The following CROT variants were observed in gnomAD, a reference collection of about 807,000 sequenced individuals.
CROT encodes peroxisomal carnitine O-octanoyltransferase.
In CROT, 84 loss-of-function variants were observed where a neutral mutation model predicts 89.2. The ratio of observed to expected loss-of-function variants is 0.94; its 90% CI spans 0.79 to 1.13. The LOEUF is 1.13. CROT is among the 50% of genes most tolerant of loss of function. The pLI is 0.00. For missense variants in CROT, 711 were observed against 727.8 expected, an observed-to-expected ratio of 0.98 and a Z score of 0.27; for synonymous variants, 212 against 239.5, an observed-to-expected ratio of 0.89 and a Z score of 1.06.
At chr7:87,348,622 T>C (rs1805771798) in intron 2 of CROT, among the ~76,000 whole-genome samples, 1 of 152,240 alleles carries the variant, frequency 6.6e-6, no homozygotes, top group Admixed American at 6.5e-5. Flanking sequence ...ATTGTAGTCT[T>C]AACAGATCTG....
chr7:87,368,050 G>A (rs968954519), intron 6 of CROT, among the ~76,000 whole-genome samples: 9 of 152,028 alleles, frequency 5.9e-5, no homozygotes, highest in South Asian at 2.1e-4. Flanking sequence ...CAGTATAATC[G>A]GGTCTCAACC....
At position 87,398,741 on chromosome 7, in the gene CROT, T is replaced by C. The variant is rs193136280; in HGVS notation, c.*97T>C. 8.7e-7 allele frequency: 1 copy of C among 1,152,826 alleles called. No individual in the cohort carries two copies. The highest frequency in any genetic ancestry group is 2.4e-5 in the East Asian group (1 of 41,070). 71.4% of individuals were successfully genotyped at this position (1,152,826 alleles called of 1,614,324 possible). Reference sequence around the variant, plus strand: ...GAGATGGGAAGGAATGTTGACTTGCTAACATTCCTTTAACAAGTTAAGAAA... The same window carrying C: ...GAGATGGGAAGGAATGTTGACTTGCCAACATTCCTTTAACAAGTTAAGAAA... On this transcript the variant is annotated 3_prime_UTR_variant, in exon 18 of 18. Transcript: ENST00000331536.
chr7:87,369,485 G>A lies in CROT; in HGVS notation c.656+1G>A, dbSNP rs1176342735. On this transcript the variant is annotated splice_donor_variant, in intron 7 of 17. Transcript: ENST00000331536. LOFTEE classifies it high-confidence loss of function. ...TGGTCACCCCGCCAGAGCTTCTCAG[G>A]TTTTCAGACTACTTTCTTGAGTTTC... 1 of 1,601,516 alleles carries A rather than the reference G, an allele frequency of 6.2e-7. No individual in the cohort carries two copies. Among genetic ancestry groups the A allele is most frequent in the Non-Finnish European group, 8.5e-7 (1 of 1,170,612 alleles).
At chr7:87,354,635 T>C (rs1022690509) in intron 3 of CROT, among the ~76,000 whole-genome samples, 1 of 152,018 alleles carries the variant, frequency 6.6e-6, no homozygotes, top group Non-Finnish European at 1.5e-5. Context: ...AAAAAGTTGA[T>C]GAGAAAGCTG....
At chr7:87,387,504 TA>T (rs1399921153) in intron 13 of CROT, among the ~76,000 whole-genome samples, 3 of 152,046 alleles carry the variant, frequency 2.0e-5, no homozygotes, top group South Asian at 2.1e-4. Flanking sequence ...TCATGGAGGT[TA>T]GGGGTCCCCA....
intron 17 of CROT, among the ~76,000 whole-genome samples, chr7:87,395,124 C>T (rs1303462984): frequency 6.6e-6 from 1 of 152,152 alleles, no homozygotes; most frequent in Non-Finnish European, 1.5e-5. Context: ...CAAGGTCCCA[C>T]AATAGGCCAG....
chr7:87,352,265 T>A (rs754554647), intron 3 of CROT, among the ~76,000 whole-genome samples: 1 of 152,226 alleles, frequency 6.6e-6, no homozygotes, highest in Non-Finnish European at 1.5e-5. Context: ...AGGTATGCCA[T>A]CAATGGCCAA....
rs1241210871 is a variant in CROT, at chr7:87,369,170, C to T, written c.548-206C>T. On this transcript the variant is annotated intron_variant, in intron 6 of 17. Coordinates refer to ENST00000331536, the MANE Select transcript of CROT (RefSeq NM_021151.4). Reference sequence around the variant, plus strand: ...GAAACTCATTGATTTCTAGATGTCTCACATGGAACAAGTGTCAGGAGTATG... The same window carrying T: ...GAAACTCATTGATTTCTAGATGTCTTACATGGAACAAGTGTCAGGAGTATG... 2.6e-5 allele frequency among the ~76,000 whole-genome samples: 4 copies of T among 152,132 alleles called. No individual in the cohort carries two copies. The East Asian group carries it at 7.7e-4, about 29-fold the overall frequency.
At chr7:87,352,120 C>G (rs1178523256) in intron 3 of CROT, among the ~76,000 whole-genome samples, 2 of 152,222 alleles carry the variant, frequency 1.3e-5, no homozygotes, top group Non-Finnish European at 2.9e-5. Context: ...CTCCCTGCTT[C>G]CCCTCATGGC....
At position 87,358,413 on chromosome 7, in the gene CROT, C is replaced by T. The variant is rs997986591; in HGVS notation, c.116-793C>T. 5.2e-5 allele frequency among the ~76,000 whole-genome samples: 7 copies of T among 134,326 alleles called. No individual in the cohort carries two copies. In the South Asian group the frequency reaches 9.7e-4, roughly 19 times the overall value. 88.1% of individuals were successfully genotyped at this position (134,326 alleles called of 152,430 possible). ...AGGAGAATGGTGTGAACCCAGGAGGCGGAGCTTGCAGTGAGCTGAGATTAC... is the reference window on the plus strand; with the variant it reads ...AGGAGAATGGTGTGAACCCAGGAGGTGGAGCTTGCAGTGAGCTGAGATTAC... On this transcript the variant is annotated intron_variant, in intron 3 of 17. Transcript: ENST00000331536.
intron 3 of CROT, chr7:87,357,587 C>G (rs1280222286): frequency 6.8e-6 from 8 of 1,174,434 alleles, no homozygotes. Context: ...GGAAGGAATT[C>G]AAGGTGAGTT....
chr7:87,371,683 A>G (rs902701539), intron 7 of CROT, among the ~76,000 whole-genome samples: 7 of 152,264 alleles, frequency 4.6e-5, no homozygotes, highest in African/African-American at 1.7e-4. Flanking sequence ...ACATGGTACT[A>G]TTAAACTTAA....
intron 13 of CROT, among the ~76,000 whole-genome samples, chr7:87,390,455 T>C (rs1353388155): frequency 6.6e-6 from 1 of 152,216 alleles, no homozygotes; most frequent in Non-Finnish European, 1.5e-5. Flanking sequence ...ATTTTAGTGC[T>C]ATTTAAAAAT....
chr7:87,368,708 G>T (rs753684229), intron 6 of CROT, among the ~76,000 whole-genome samples: 4 of 152,230 alleles, frequency 2.6e-5, no homozygotes, highest in Non-Finnish European at 4.4e-5. Flanking sequence ...TTAGAAGGTA[G>T]GGGCAGGGAT....
At chr7:87,357,522 ACCAGATAAGGGGTCTTGAT>A in intron 3 of CROT, 1 of 1,546,044 alleles carries the variant, frequency 6.5e-7, no homozygotes, top group Non-Finnish European at 8.8e-7. Flanking sequence ...AGAACATGCT[ACCAGATAAGGGGTCTTGAT>A]CCAGATGCTA....
At chr7:87,363,444 T>G (rs1339108945) in intron 6 of CROT, among the ~76,000 whole-genome samples, 6 of 152,220 alleles carry the variant, frequency 3.9e-5, no homozygotes, top group African/African-American at 1.4e-4. Context: ...GTTTTTTGGC[T>G]TTCTTTTGTT....
At chr7:87,367,717 T>C (rs561849483) in intron 6 of CROT, among the ~76,000 whole-genome samples, 1 of 152,264 alleles carries the variant, frequency 6.6e-6, no homozygotes, top group East Asian at 1.9e-4. Flanking sequence ...TGCATTATCC[T>C]CTCTCTCTGC....
intron 14 of CROT, 41 bp from the exon 15 acceptor site, chr7:87,392,525 G>A (rs371147094): frequency 5.9e-6 from 9 of 1,517,634 alleles, no homozygotes; most frequent in Non-Finnish European, 6.4e-6. Flanking sequence ...GTTGGGTTTT[G>A]CACAGTGTGT....
chr7:87,397,334 G>A (rs1217800379), intron 17 of CROT, among the ~76,000 whole-genome samples: 1 of 137,250 alleles, frequency 7.3e-6, no homozygotes, highest in Non-Finnish European at 1.5e-5. Context: ...CTGGGCAACA[G>A]AGTGAGACTC....
Sources: allele counts gnomAD v4.1 joint callset (sites outside exome capture counted in the v4.1 genomes callset), GRCh38; gene constraint gnomAD v4.1.1; transcripts MANE v1.5; gene names NCBI Gene and HGNC (gene_info 2026-07-23, HGNC 2026-07-21).